Variants in CFAP97D2 observed in about 807,000 individuals in gnomAD.
The protein encoded by CFAP97D2 is CFAP97 domain containing 2, also known as uncharacterized protein CFAP97D2.
intron 3 of CFAP97D2, among the ~76,000 whole-genome samples, chr13:114,200,686 T>C: frequency 6.6e-6 from 1 of 152,238 alleles, no homozygotes; most frequent in Admixed American, 6.5e-5. Context: ...GGCTGTGAGC[T>C]GCCCGTGTGC....
rs2080855883 is a variant in CFAP97D2, at chr13:114,187,382, A to T, written c.90+7962A>T. 6.6e-6 allele frequency among the ~76,000 whole-genome samples: 1 copy of T among 152,210 alleles called. No individual in the cohort carries two copies. The highest frequency in any genetic ancestry group is 6.5e-5 in the Admixed American group (1 of 15,282). On this transcript the variant is annotated intron_variant, in intron 1 of 4. Transcript: ENST00000646158. This position sits in a 1 kb window ranked among gnomAD's most constrained non-coding sequence, Gnocchi z 4.2. The stretch of plus-strand genomic sequence containing the variant: ...AAAAAGGCCCAACTATATGTTGTCC[A>T]CAAGAAACCATTTTAAGTATAAAGA...
At chr13:114,210,855 TACACACACAC>T (rs34230424) in intron 3 of CFAP97D2, among the ~76,000 whole-genome samples, 14 of 144,878 alleles carry the variant, frequency 9.7e-5, no homozygotes, top group Non-Finnish European at 1.8e-4. Context: ...ATTTCATTGA[TACACACACAC>T]ACACACACAC....
At chr13:114,222,697 C>G, downstream of CFAP97D2, 1 of 394,514 alleles carries the variant, frequency 2.5e-6, no homozygotes. The surrounding 1 kb of genome is among the most constrained non-coding windows in gnomAD (Gnocchi z 4.4). Context: ...GGGAATCAGC[C>G]TTGCCCAGGG....
chr13:114,197,827 C>T (rs1019636034), intron 2 of CFAP97D2, among the ~76,000 whole-genome samples: 11 of 152,014 alleles, frequency 7.2e-5, no homozygotes, highest in African/African-American at 9.7e-5. Context: ...GGATTACAGG[C>T]GCACCCACCA....
chr13:114,208,630 T>C (rs2080952270), intron 3 of CFAP97D2, among the ~76,000 whole-genome samples: 1 of 152,236 alleles, frequency 6.6e-6, no homozygotes, highest in Non-Finnish European at 1.5e-5. Context: ...TTACCGTGTT[T>C]GTTGCCTCCA....
intron 3 of CFAP97D2, among the ~76,000 whole-genome samples, chr13:114,206,013 G>A (rs1450674429): frequency 6.6e-6 from 1 of 152,166 alleles, no homozygotes; most frequent in Non-Finnish European, 1.5e-5. Flanking sequence ...AGTGCAGTCT[G>A]CATTGCCGAG....
At chr13:114,197,747 A>G (rs1037704375) in intron 2 of CFAP97D2, among the ~76,000 whole-genome samples, 2 of 152,162 alleles carry the variant, frequency 1.3e-5, no homozygotes, top group African/African-American at 2.4e-5. Flanking sequence ...CAGTGATACA[A>G]CTTCAGCTCA....
At chr13:114,206,770 G>C (rs563271384) in intron 3 of CFAP97D2, among the ~76,000 whole-genome samples, 1 of 152,198 alleles carries the variant, frequency 6.6e-6, no homozygotes, top group Admixed American at 6.5e-5. Flanking sequence ...AACTGCACAC[G>C]ATAAATGAGT....
exon 4 of CFAP97D2, chr13:114,212,013 A>C: frequency 2.5e-6 from 1 of 398,728 alleles, no homozygotes; most frequent in Admixed American, 4.4e-5. Flanking sequence ...ATGGAGCTCA[A>C]AGGTGGTGTG....
At chr13:114,198,134 C>G (rs990212655) in intron 2 of CFAP97D2, among the ~76,000 whole-genome samples, 3 of 152,004 alleles carry the variant, frequency 2.0e-5, no homozygotes, top group African/African-American at 4.8e-5. Context: ...ACTACAGGCC[C>G]GCACCACCAC....
At chr13:114,208,185 T>C (rs2080950010) in intron 3 of CFAP97D2, among the ~76,000 whole-genome samples, 1 of 152,242 alleles carries the variant, frequency 6.6e-6, no homozygotes, top group African/African-American at 2.4e-5. Context: ...GCCTTTCTTG[T>C]AGGCTTGTCA....
At chr13:114,195,480 G>A (rs1014102255) in intron 1 of CFAP97D2, among the ~76,000 whole-genome samples, 1 of 152,166 alleles carries the variant, frequency 6.6e-6, no homozygotes, top group Non-Finnish European at 1.5e-5. Context: ...CCACTGGGGA[G>A]TTTCCCAATG....
Position 114,207,654 on chromosome 13 carries a change from T to C in CFAP97D2, c.291-4258T>C, listed in dbSNP as rs529298782. Among the ~76,000 whole-genome samples, 1 of 152,350 alleles carries C rather than the reference T, an allele frequency of 6.6e-6. No homozygotes were observed. The highest frequency in any genetic ancestry group is 2.4e-5 in the African/African-American group (1 of 41,584). On this transcript the variant is annotated intron_variant, in intron 3 of 4. Transcript: ENST00000646158. The surrounding 1 kb of genome is among the most constrained non-coding windows in gnomAD (Gnocchi z 4.9). ...GAAGCTTCGCTCCCTCGCCTGCTGC[T>C]CACCTCCTGCTGTTTGGCCTGGTTC...
chr13:114,211,144 C>A lies in CFAP97D2; in HGVS notation c.291-768C>A, dbSNP rs2080965053. On this transcript the variant is annotated intron_variant, in intron 3 of 4. Coordinates refer to ENST00000646158, the Ensembl canonical transcript of CFAP97D2. This position sits in a 1 kb window ranked among gnomAD's most constrained non-coding sequence, Gnocchi z 4.2. The stretch of plus-strand genomic sequence containing the variant: ...CTCTCAGCCCTAACCCTGGTGGGTT[C>A]TTTACTTCGTGCTCCTCTGTGCTCC... Among the ~76,000 whole-genome samples, 2 of 152,192 alleles carry A rather than the reference C, an allele frequency of 1.3e-5. No individual in the cohort carries two copies. The highest frequency in any genetic ancestry group is 2.4e-5 in the African/African-American group (1 of 41,452).
In CFAP97D2 at chr13:114,182,190, T is replaced by C. The variant is rs375014834; in HGVS notation, c.90+2770T>C. On this transcript the variant is annotated intron_variant, in intron 1 of 4. Transcript: ENST00000646158. ...CAAAAAACGTGAGCAAAAGAGTCTATGTCGTAATTAAGTTCAAGGGAAGGT... is the reference window on the plus strand; with the variant it reads ...CAAAAAACGTGAGCAAAAGAGTCTACGTCGTAATTAAGTTCAAGGGAAGGT... Among the ~76,000 whole-genome samples the C allele has an allele frequency of 1.3e-3, 177 of 141,058 alleles. 9 individuals are homozygous for C. Among genetic ancestry groups the C allele is most frequent in the South Asian group, 3.8e-3 (16 of 4,250 alleles). The allele number at this position is 141,058 out of a possible 152,430, so 92.5% of individuals were successfully genotyped here. A position where few individuals can be genotyped will look rare whatever the true frequency, so the allele number is the denominator to read the frequency against.
chr13:114,200,214 T>C (rs965754418), intron 2 of CFAP97D2, 111 bp from the exon 3 acceptor site: 30 of 389,006 alleles, frequency 7.7e-5, no homozygotes, highest in Non-Finnish European at 1.3e-4. Flanking sequence ...CACTCGCCGA[T>C]ATGAGACGAG....
chr13:114,214,515 A>G (rs1395218226), intron 4 of CFAP97D2, among the ~76,000 whole-genome samples: 2 of 152,206 alleles, frequency 1.3e-5, no homozygotes, highest in Non-Finnish European at 2.9e-5. Flanking sequence ...CAGCCCCTGG[A>G]AGTAATCACT....
chr13:114,184,638 T>C (rs9590397), intron 1 of CFAP97D2, among the ~76,000 whole-genome samples: 10,697 of 152,238 alleles, frequency 0.07, 616 homozygotes, highest in African/African-American at 0.17. Flanking sequence ...TGAGAAATTA[T>C]CTGTCACAAG....
chr13:114,181,988 CACAGAG>C (rs1344645045), intron 1 of CFAP97D2, among the ~76,000 whole-genome samples: 1 of 152,256 alleles, frequency 6.6e-6, no homozygotes, highest in East Asian at 1.9e-4. Flanking sequence ...AGAAATAAGA[CACAGAG>C]ACAAAGTATA....
Sources: allele counts gnomAD v4.1 joint callset (sites outside exome capture counted in the v4.1 genomes callset), GRCh38; gene constraint gnomAD v4.1.1; non-coding constraint Gnocchi (gnomAD v3.1); transcripts MANE v1.5; gene names NCBI Gene and HGNC (gene_info 2026-07-23, HGNC 2026-07-21).